Variants in RAB3IP observed in about 807,000 individuals in gnomAD.
RAB3IP encodes RAB3A interacting protein, also known as rab-3A-interacting protein.
A neutral mutation model predicts 59.1 loss-of-function variants in RAB3IP; 36 were observed. The ratio of observed to expected loss-of-function variants is 0.61; its 90% confidence interval spans 0.47 to 0.80. The LOEUF (loss-of-function observed/expected upper bound fraction) is 0.80, where lower values mean the gene tolerates loss of function less well. RAB3IP is among the 30% of genes least tolerant of loss of function. The pLI, the probability that RAB3IP is intolerant of heterozygous loss-of-function variation, is 0.00. For synonymous variants in RAB3IP, 207 were observed against 191.2 expected, an observed-to-expected ratio of 1.08 and a Z score of -0.68; for missense variants, 511 against 536.0, an observed-to-expected ratio of 0.95 and a Z score of 0.46.
intron 1 of RAB3IP, among the ~76,000 whole-genome samples, chr12:69,753,509 C>T (rs931627973): frequency 6.6e-6 from 1 of 152,014 alleles, no homozygotes; most frequent in Non-Finnish European, 1.5e-5. Context: ...CCACCATGCC[C>T]AGCTAATTTT....
Position 69,822,479 on chromosome 12 carries a change from C to G in RAB3IP, c.*7033C>G, listed in dbSNP as rs1357273986. 6.9e-6 allele frequency: 1 copy of G among 145,030 alleles called. No individual in the cohort carries two copies. The highest frequency in any genetic ancestry group is 2.1e-4 in the East Asian group (1 of 4,746). The allele number at this position is 145,030 out of a possible 1,614,324, so 9.0% of individuals were successfully genotyped here. A position where few individuals can be genotyped will look rare whatever the true frequency, so the allele number is the denominator to read the frequency against. On this transcript the variant is annotated 3_prime_UTR_variant, in exon 11 of 11. Coordinates refer to ENST00000247833, the MANE Select transcript of RAB3IP (RefSeq NM_022456.5). ...CATGGAATCAAATTACATTCAGAATCTACCACTATAGGTAGTGAATACAAC... is the reference window on the plus strand; with the variant it reads ...CATGGAATCAAATTACATTCAGAATGTACCACTATAGGTAGTGAATACAAC...
rs553357179 is a variant in RAB3IP at position 69,819,252 on chromosome 12, GAGGAA to G, written c.*3814_*3818del. 2.6e-4 allele frequency: 39 copies of G among 152,316 alleles called. No individual in the cohort carries two copies. Among genetic ancestry groups the G allele is most frequent in the African/African-American group, 8.7e-4 (36 of 41,564 alleles). 9.4% of individuals were successfully genotyped at this position (152,316 alleles called of 1,614,324 possible). Reference sequence around the variant, plus strand: ...AAATTGTTGAATTGCATTTGAGAGAGAGGAAAGGAAAGAATTCAGGTCTGAATCTT... The same window carrying G: ...AAATTGTTGAATTGCATTTGAGAGAGAGGAAAGAATTCAGGTCTGAATCTT... On this transcript the variant is annotated 3_prime_UTR_variant, in exon 11 of 11. Transcript: ENST00000247833.
chr12:69,738,816 G>A (rs1395004493), upstream of RAB3IP: 1 of 152,024 alleles, frequency 6.6e-6, no homozygotes, highest in Non-Finnish European at 1.5e-5. Context: ...CCCTCCGTGA[G>A]GACCGGCCGC....
chr12:69,816,539 A>C lies in RAB3IP; in HGVS notation c.*1093A>C, dbSNP rs556816017. 3 of 152,254 alleles carry C rather than the reference A, an allele frequency of 2.0e-5. No individual in the cohort carries two copies. In the East Asian group the frequency reaches 5.8e-4, roughly 29 times the overall value. The allele number at this position is 152,254 out of a possible 1,614,324, so 9.4% of individuals were successfully genotyped here. ...CCTACACATCCTAATCCCTGTTTATAGAATTTTAACATAATTTAATTGTGT... is the reference window on the plus strand; with the variant it reads ...CCTACACATCCTAATCCCTGTTTATCGAATTTTAACATAATTTAATTGTGT... On this transcript the variant is annotated 3_prime_UTR_variant, in exon 11 of 11. Transcript: ENST00000247833.
chr12:69,758,756 CTTT>C (rs71437121), intron 3 of RAB3IP, among the ~76,000 whole-genome samples: 43 of 48,226 alleles, frequency 8.9e-4, no homozygotes, highest in African/African-American at 1.2e-3. Flanking sequence ...GTGTTCATTC[CTTT>C]TTTTTTTTTT....
chr12:69,790,552 A>T (rs1030744411), intron 4 of RAB3IP, among the ~76,000 whole-genome samples: 3 of 152,130 alleles, frequency 2.0e-5, no homozygotes, highest in African/African-American at 7.2e-5. Context: ...TAGGAAGTTC[A>T]TATGGAGCTA....
intron 3 of RAB3IP, among the ~76,000 whole-genome samples, chr12:69,779,583 T>C (rs1290604491): frequency 2.0e-5 from 3 of 152,042 alleles, no homozygotes; most frequent in South Asian, 4.1e-4. Context: ...TTTTCACTTA[T>C]CCTGCCTTTG....
chr12:69,741,540 G>A (rs1887346672), intron 1 of RAB3IP, among the ~76,000 whole-genome samples: 1 of 152,178 alleles, frequency 6.6e-6, no homozygotes, highest in Non-Finnish European at 1.5e-5. Context: ...TACCAGCATT[G>A]CTACTACAGT....
Position 69,811,400 on chromosome 12 carries a change from A to C in RAB3IP, c.1131-1378A>C, listed in dbSNP as rs1277093253. Among the ~76,000 whole-genome samples, 3 of 152,088 alleles carry C rather than the reference A, an allele frequency of 2.0e-5. No homozygotes were observed. The East Asian group carries it at 5.8e-4, about 29-fold the overall frequency. Reference sequence around the variant, plus strand: ...AGTTGTACTCCTGAACTTACAAGTTAAAAAAAAGAAACACTTATTATTTTA... The same window carrying C: ...AGTTGTACTCCTGAACTTACAAGTTCAAAAAAAGAAACACTTATTATTTTA... On this transcript the variant is annotated intron_variant, in intron 8 of 10. Transcript: ENST00000247833.
rs75323123 is a variant in RAB3IP, at chr12:69,770,251, G to T, written c.510+13588G>T. Among the ~76,000 whole-genome samples the T allele has an allele frequency of 2.7e-3, 414 of 152,096 alleles. 9 individuals are homozygous for T. In the East Asian group the frequency reaches 0.041, roughly 15 times the overall value. On this transcript the variant is annotated intron_variant, in intron 3 of 10. Transcript: ENST00000247833. ...GAGTTGTAAATATACTCATCCCTTG[G>T]TATCCACTGGGGGTTTTGTTCCAGT...
chr12:69,797,752 C>G (rs1260884199), intron 6 of RAB3IP, among the ~76,000 whole-genome samples: 1 of 151,566 alleles, frequency 6.6e-6, no homozygotes, highest in Non-Finnish European at 1.5e-5. Flanking sequence ...CAATTCCCAC[C>G]TATGAGTGAG....
intron 3 of RAB3IP, among the ~76,000 whole-genome samples, chr12:69,784,112 T>G (rs977736990): frequency 6.6e-6 from 1 of 152,216 alleles, no homozygotes; most frequent in Non-Finnish European, 1.5e-5. Flanking sequence ...AAAGGAATTT[T>G]AAAACATCTA....
chr12:69,769,169 G>A (rs1450722304), intron 3 of RAB3IP, among the ~76,000 whole-genome samples: 1 of 152,112 alleles, frequency 6.6e-6, no homozygotes, highest in Non-Finnish European at 1.5e-5. Context: ...CTGTAAGTCC[G>A]TTAAACCTCT....
chr12:69,808,528 T>G lies in RAB3IP; in HGVS notation c.1131-4250T>G, dbSNP rs1002491177. Among the ~76,000 whole-genome samples the G allele has an allele frequency of 4.6e-5, 7 of 152,260 alleles. No homozygotes were observed. In the East Asian group the frequency reaches 9.6e-4, roughly 21 times the overall value. On this transcript the variant is annotated intron_variant, in intron 8 of 10. Transcript: ENST00000247833. ...TGTTAAAGTCTCCCATTATTATTGT[T>G]TGGGAGTCTAAGTCTCTTTGTAGGT...
At chr12:69,801,762 T>C (rs769970270) in intron 8 of RAB3IP, 41 bp downstream of exon 8, 2 of 1,247,978 alleles carry the variant, frequency 1.6e-6, no homozygotes, top group Admixed American at 1.8e-5. Flanking sequence ...TGACTGAGTT[T>C]TTGAAATGTT....
In RAB3IP at chr12:69,785,133, CA is replaced by C. The variant is rs1875422846; in HGVS notation, c.606+320del. ...TTTAGATTAACTACATATGACTGTA[CA>C]ACTAAGAGGGCAAACTCTTTGAGAT... is the stretch of plus-strand genomic sequence containing the variant. On this transcript the variant is annotated intron_variant, in intron 4 of 10. Transcript: ENST00000247833. The C allele has an allele frequency of 1.9e-5, 3 of 160,180 alleles. No homozygotes were observed. The East Asian group carries it at 5.3e-4, about 28-fold the overall frequency. The allele number at this position is 160,180 out of a possible 1,614,324, so 9.9% of individuals were successfully genotyped here.
intron 8 of RAB3IP, among the ~76,000 whole-genome samples, chr12:69,804,026 G>A (rs1287462578): frequency 6.6e-6 from 1 of 152,112 alleles, no homozygotes; most frequent in Admixed American, 6.6e-5. Context: ...TAATGGGATG[G>A]CTGGGTCAAA....
chr12:69,810,818 T>C lies in RAB3IP; in HGVS notation c.1131-1960T>C, dbSNP rs572829012. ...GGATTACGGTCTAGATTTAGACATA[T>C]TGACATCCTCACATGAAAATGGGAA... On this transcript the variant is annotated intron_variant, in intron 8 of 10. Transcript: ENST00000247833. Among the ~76,000 whole-genome samples, 6 of 152,280 alleles carry C rather than the reference T, an allele frequency of 3.9e-5. 1 individual carries two copies. In the South Asian group the frequency reaches 1.0e-3, roughly 26 times the overall value.
At position 69,756,598 on chromosome 12, in the gene RAB3IP, T is replaced by G. The variant is rs1228005411; in HGVS notation, c.445T>G (p.Ser149Ala). The change falls in exon 3 of 11, where the codon TCT becomes GCT. Residue 149 changes from serine (S) to alanine (A), a missense_variant. Ser to Ala is a moderately conservative substitution (Grantham distance 99, BLOSUM62 1). Coordinates refer to ENST00000247833, the MANE Select transcript of RAB3IP (RefSeq NM_022456.5). ...TAGTCTGTCTCGTTTACGAAGCCCATCTGTTTTGGAAGTTAGAGAAAAGGG... is the reference window on the plus strand; with the variant it reads ...TAGTCTGTCTCGTTTACGAAGCCCAGCTGTTTTGGAAGTTAGAGAAAAGGG... ...TDSLSRLRSP[S>A]VLEVREKGYE... 6.2e-7 allele frequency: 1 copy of G among 1,613,966 alleles called. No homozygotes were observed. The highest frequency in any genetic ancestry group is 8.5e-7 in the Non-Finnish European group (1 of 1,179,944).
Sources: gnomAD v4.1 joint callset for allele counts (sites outside exome capture counted in the v4.1 genomes callset) on GRCh38, gnomAD v4.1.1 for gene constraint, MANE v1.5 for transcripts, NCBI Gene and HGNC (gene_info 2026-07-23, HGNC 2026-07-21) for gene names.